The following GP9 variants were observed in gnomAD, a reference collection of about 807,000 sequenced individuals.
GP9 encodes glycoprotein IX platelet.
For missense variants in GP9, 228 were observed against 241.8 expected, an observed-to-expected ratio of 0.94 and a Z score of 0.38; for synonymous variants, 116 against 116.7, an observed-to-expected ratio of 0.99 and a Z score of 0.04.
chr3:129,057,465 G>C (rs1946531239), upstream of GP9, among the ~76,000 whole-genome samples: 1 of 152,186 alleles, frequency 6.6e-6, no homozygotes, highest in Non-Finnish European at 1.5e-5. Context: ...GAAGAAAATT[G>C]GTGTGGCTGG....
At chr3:129,061,645 G>C in intron 2 of GP9, 26 bp downstream of exon 2, 1 of 1,059,134 alleles carries the variant, frequency 9.4e-7, no homozygotes, top group Non-Finnish European at 1.4e-6. Flanking sequence ...CCCATGTCAG[G>C]CTCCGCTACA....
the GP9 span, among the ~76,000 whole-genome samples, chr3:129,054,978 GACTT>G: frequency 9.2e-3 from 1,400 of 152,336 alleles, 20 homozygotes; most frequent in African/African-American, 0.032. Flanking sequence ...TGGGGTGACT[GACTT>G]AACCCTTGCC....
chr3:129,060,985 T>G (rs371399878), intron 1 of GP9, 135 bp downstream of exon 1: 2 of 153,028 alleles, frequency 1.3e-5, no homozygotes, highest in South Asian at 2.1e-4. Context: ...TCAAGATGAG[T>G]GAGTTGATTT....
At chr3:129,059,941 C>T (rs1224946113), upstream of GP9, among the ~76,000 whole-genome samples, 1 of 152,216 alleles carries the variant, frequency 6.6e-6, no homozygotes, top group Non-Finnish European at 1.5e-5. Flanking sequence ...TCTGTAACTT[C>T]TGTGTTTTTA....
upstream of GP9, among the ~76,000 whole-genome samples, chr3:129,057,027 T>C (rs1413677835): frequency 2.0e-5 from 3 of 152,236 alleles, no homozygotes; most frequent in East Asian, 5.8e-4. Context: ...ACAGCAGTCC[T>C]GGCAAGACAC....
At chr3:129,060,618 T>C (rs1003634646), upstream of GP9, 1 of 152,336 alleles carries the variant, frequency 6.6e-6, no homozygotes, top group African/African-American at 2.4e-5. Context: ...GACCCCCTTC[T>C]ATAAACCGGG....
At chr3:129,058,442 G>A (rs1946540452), upstream of GP9, among the ~76,000 whole-genome samples, 1 of 152,224 alleles carries the variant, frequency 6.6e-6, no homozygotes, top group South Asian at 2.1e-4. Flanking sequence ...TCCCCAGCCT[G>A]CTGATGGCAG....
At chr3:129,061,267 C>A (rs1946571964) in intron 1 of GP9, among the ~76,000 whole-genome samples, 1 of 152,210 alleles carries the variant, frequency 6.6e-6, no homozygotes. Flanking sequence ...GTCCTGCTGT[C>A]TTCTGCATCT....
chr3:129,056,054 T>C (rs1387510114), upstream of GP9, among the ~76,000 whole-genome samples: 1 of 152,160 alleles, frequency 6.6e-6, no homozygotes, highest in East Asian at 1.9e-4. Flanking sequence ...CAGGCTTATC[T>C]CACTCTTTCC....
At chr3:129,060,525 C>A (rs911945190), upstream of GP9, among the ~76,000 whole-genome samples, 3 of 152,248 alleles carry the variant, frequency 2.0e-5, no homozygotes, top group African/African-American at 7.2e-5. Context: ...CTAGTTCCCA[C>A]CTTCTGGGAG....
At position 129,061,518 on chromosome 3, in the gene GP9, C is replaced by T. The variant is rs1209652069; in HGVS notation, c.-114C>T. ...GCCGCCCTCACCGCCCGGCCTTCTA[C>T]GGTGTCCAGAGACAGTTAGCCAGGC... On this transcript the variant is annotated 5_prime_UTR_variant, in exon 2 of 3. It adds an upstream start codon to the 5' untranslated region. Transcript: ENST00000307395. The T allele has an allele frequency of 4.9e-6, 3 of 607,942 alleles. No individual in the cohort carries two copies. Among genetic ancestry groups the T allele is most frequent in the South Asian group, 3.9e-5 (2 of 51,746 alleles). The allele number at this position is 607,942 out of a possible 1,614,324, so 37.7% of individuals were successfully genotyped here. A position where few individuals can be genotyped will look rare whatever the true frequency, so the allele number is the denominator to read the frequency against.
rs1946579789 is a variant in GP9, at chr3:129,061,875, C to A, written c.136C>A (p.Leu46Met). The A allele has an allele frequency of 1.2e-6, 2 of 1,613,066 alleles. No homozygotes were observed. The highest frequency in any genetic ancestry group is 2.7e-5 in the African/African-American group (2 of 75,050). ...VDCRGHGLTA[L>M]PALPARTRHL... is the part of the protein sequence containing the mutation. ...CTGCAGGGGCCACGGACTCACGGCC[C>A]TGCCTGCCCTGCCGGCCCGCACCCG... Residue 46 changes from leucine (L) to methionine (M), a missense_variant, in exon 3 of 3, where the codon CTG (leucine) becomes ATG (methionine). Physicochemically the swap from Leu to Met is conservative, Grantham distance 15. Coordinates refer to ENST00000307395, the MANE Select transcript of GP9 (RefSeq NM_000174.5).
At chr3:129,058,807 G>C (rs564684286), upstream of GP9, among the ~76,000 whole-genome samples, 1 of 152,244 alleles carries the variant, frequency 6.6e-6, no homozygotes, top group African/African-American at 2.4e-5. Flanking sequence ...GCTATGCACT[G>C]CTGCTTCAAT....
chr3:129,055,889 C>T (rs1946517627), upstream of GP9, among the ~76,000 whole-genome samples: 1 of 152,140 alleles, frequency 6.6e-6, no homozygotes, highest in Non-Finnish European at 1.5e-5. Context: ...AAGTGATCCG[C>T]CCACCTCGGC....
In GP9 at chr3:129,062,054, C is replaced by G. The variant is rs755563532; in HGVS notation, c.315C>G (p.Pro105=). The part of the protein sequence containing the change: ...YLRLWLEDRT[P]EALLQVRCAS... The stretch of plus-strand genomic sequence containing the variant: ...GCCTCTGGCTGGAGGACCGCACGCC[C>G]GAGGCCCTGCTGCAGGTCCGCTGTG... Residue 105 remains proline (P), a synonymous_variant, in exon 3 of 3, where the codon CCC becomes CCG. Transcript: ENST00000307395. The G allele has an allele frequency of 6.2e-7, 1 of 1,612,586 alleles. No individual in the cohort carries two copies. Among genetic ancestry groups the G allele is most frequent in the Non-Finnish European group, 8.5e-7 (1 of 1,179,530 alleles).
Position 129,061,728 on chromosome 3 carries a change from C to T in GP9, c.-12C>T, listed in dbSNP as rs1185455801. 1.2e-6 allele frequency: 2 copies of T among 1,609,206 alleles called. No homozygotes were observed. The highest frequency in any genetic ancestry group is 8.5e-7 in the Non-Finnish European group (1 of 1,178,046). On this transcript the variant is annotated splice_region_variant and 5_prime_UTR_variant, in exon 3 of 3. Coordinates refer to ENST00000307395, the MANE Select transcript of GP9 (RefSeq NM_000174.5). Reference sequence around the variant, plus strand: ...TCCCTCACAGCCCCTCTCTCTGCAGCCAGCCTGTCCCATGCCTGCCTGGGG... The same window carrying T: ...TCCCTCACAGCCCCTCTCTCTGCAGTCAGCCTGTCCCATGCCTGCCTGGGG...
At chr3:129,061,431 G>C in intron 1 of GP9, 63 bp from the exon 2 acceptor site, 2 of 504,712 alleles carry the variant, frequency 4.0e-6, no homozygotes. Flanking sequence ...CAGGGGATGG[G>C]GTCTCTGCTA....
intron 1 of GP9, among the ~76,000 whole-genome samples, chr3:129,061,258 T>C (rs1056226923): frequency 2.0e-5 from 3 of 152,214 alleles, no homozygotes; most frequent in African/African-American, 7.2e-5. Flanking sequence ...AGTGTCCCTG[T>C]CCTGCTGTCT....
chr3:129,057,165 G>C (rs957125203), upstream of GP9, among the ~76,000 whole-genome samples: 1 of 152,184 alleles, frequency 6.6e-6, no homozygotes, highest in Non-Finnish European at 1.5e-5. Context: ...GCCCTCTTGA[G>C]TTTCACATCA....
Sources: gnomAD v4.1 joint callset for allele counts (sites outside exome capture counted in the v4.1 genomes callset) on GRCh38, gnomAD v4.1.1 for gene constraint, MANE v1.5 for transcripts, NCBI Gene and HGNC (gene_info 2026-07-23, HGNC 2026-07-21) for gene names.